The following ZNF438 variants were observed in gnomAD, a reference collection of about 807,000 sequenced individuals.
The protein encoded by ZNF438 is zinc finger protein 438.
In ZNF438, 25 loss-of-function variants were observed where a neutral mutation model predicts 38.0. The ratio of observed to expected loss-of-function variants is 0.66; its 90% CI spans 0.48 to 0.92. The LOEUF (loss-of-function observed/expected upper bound fraction) is 0.92. Among genes scored for constraint, ZNF438 ranks in the 40% least tolerant of loss-of-function variants. The pLI is 0.00. For missense variants in ZNF438, 1,007 were observed against 999.6 expected, an observed-to-expected ratio of 1.01 and a Z score of -0.10; for synonymous variants, 372 against 364.1, an observed-to-expected ratio of 1.02 and a Z score of -0.25.
At chr10:30,934,318 C>T (rs2046005473) in intron 2 of ZNF438, among the ~76,000 whole-genome samples, 1 of 152,148 alleles carries the variant, frequency 6.6e-6, no homozygotes, top group Admixed American at 6.5e-5. Flanking sequence ...TAATACTGCT[C>T]CTCTACTCGT....
chr10:30,872,839 A>T (rs1448261980), intron 4 of ZNF438, among the ~76,000 whole-genome samples: 1 of 152,102 alleles, frequency 6.6e-6, no homozygotes, highest in East Asian at 1.9e-4. Flanking sequence ...GAACAATGAG[A>T]CTTGCATTAA....
At chr10:30,996,030 G>C (rs1048969651) in intron 1 of ZNF438, among the ~76,000 whole-genome samples, 6 of 152,124 alleles carry the variant, frequency 3.9e-5, no homozygotes, top group African/African-American at 1.4e-4. Context: ...GTATAAATCA[G>C]AAGTGAAATT....
chr10:30,859,084 T>A (rs1465948759), intron 4 of ZNF438, among the ~76,000 whole-genome samples: 1 of 152,010 alleles, frequency 6.6e-6, no homozygotes, highest in African/African-American at 2.4e-5. Context: ...ACCACTGTTG[T>A]ATCTGTTTGT....
chr10:30,942,437 G>C (rs1177544847), intron 1 of ZNF438, among the ~76,000 whole-genome samples: 5 of 152,210 alleles, frequency 3.3e-5, no homozygotes, highest in Admixed American at 1.3e-4. Flanking sequence ...GTCAAGATGA[G>C]AAGAAATCAG....
rs765158519 is a variant in ZNF438, at chr10:30,958,191, C to T, written c.-191-16540G>A. Among the ~76,000 whole-genome samples the T allele has an allele frequency of 1.2e-4, 17 of 146,310 alleles. 4 individuals are homozygous for T. The highest frequency in any genetic ancestry group is 3.5e-4 in the Admixed American group (5 of 14,440). ...CAACAGGGCTGTATTTATCAATGTGCCTTTGATGTTAGGCTACCAGACTGT... is the reference window on the plus strand; with the variant it reads ...CAACAGGGCTGTATTTATCAATGTGTCTTTGATGTTAGGCTACCAGACTGT... On this transcript the variant is annotated intron_variant, in intron 1 of 5. Transcript: ENST00000413025.
intron 4 of ZNF438, chr10:30,875,614 T>G: frequency 2.0e-6 from 2 of 977,070 alleles, no homozygotes; most frequent in East Asian, 2.3e-4. Context: ...CAGAGAACAC[T>G]CAAGAAAAAC....
intron 2 of ZNF438, among the ~76,000 whole-genome samples, chr10:30,914,244 A>C (rs905497553): frequency 1.3e-5 from 2 of 152,138 alleles, no homozygotes; most frequent in South Asian, 2.1e-4. Flanking sequence ...CCATTTAAAT[A>C]ACATTTTTAA....
In ZNF438 at chr10:30,886,835, T is replaced by C. The variant is rs1197530173; in HGVS notation, c.-31-9770A>G. ...TTTTTTTACTTTTAAAGTAACGTTA[T>C]TGAAGGATAATTTACATTCAACAAA... On this transcript the variant is annotated intron_variant, in intron 3 of 5. Transcript: ENST00000413025. Among the ~76,000 whole-genome samples, 6 of 152,214 alleles carry C rather than the reference T, an allele frequency of 3.9e-5. No individual in the cohort carries two copies. In the South Asian group the frequency reaches 8.3e-4, roughly 21 times the overall value.
rs60856458 is a variant in ZNF438 at position 30,928,071 on chromosome 10, G to A, written c.-115+13504C>T. On this transcript the variant is annotated intron_variant, in intron 2 of 5. Transcript: ENST00000413025. ...TAAAATGTAACCTTTTTTTCAGTGG[G>A]AAAAGACACTTACTTTCTATTTCAT... Among the ~76,000 whole-genome samples the A allele has an allele frequency of 5.9e-3, 898 of 152,086 alleles. 8 individuals carry two copies. The highest frequency in any genetic ancestry group is 0.021 in the African/African-American group (866 of 41,506).
rs58041161 is a variant in ZNF438, at chr10:30,941,059, C to CATTTTATTTTATTTTATTTT, written c.-115+496_-115+515dup. The stretch of plus-strand genomic sequence containing the variant: ...ATAACACCAAGAGTTTAAAACTGAA[C>CATTTTATTTTATTTTATTTT]ATTTTATTTTATTTTATTTTATTTT... On this transcript the variant is annotated intron_variant, in intron 2 of 5. Transcript: ENST00000413025. Among the ~76,000 whole-genome samples the CATTTTATTTTATTTTATTTT allele has an allele frequency of 7.4e-3, 1,119 of 150,340 alleles. 16 individuals carry two copies. The highest frequency in any genetic ancestry group is 0.021 in the Middle Eastern group (6 of 292).
At chr10:30,847,748 T>C (rs758482726) in intron 5 of ZNF438, among the ~76,000 whole-genome samples, 9 of 152,238 alleles carry the variant, frequency 5.9e-5, no homozygotes, top group Non-Finnish European at 1.0e-4. Context: ...GTGATGTGCC[T>C]GGTCCAGCCA....
chr10:30,851,851 A>G (rs1480500792), intron 4 of ZNF438, among the ~76,000 whole-genome samples: 1 of 152,164 alleles, frequency 6.6e-6, no homozygotes, highest in Admixed American at 6.5e-5. Flanking sequence ...CAATCTAGTG[A>G]AACAGACAAT....
At chr10:30,907,540 A>G (rs1243773259) in intron 3 of ZNF438, among the ~76,000 whole-genome samples, 2 of 152,084 alleles carry the variant, frequency 1.3e-5, no homozygotes, top group Non-Finnish European at 2.9e-5. Context: ...TAATTCAATC[A>G]CTTAACTTGT....
At chr10:30,890,196 T>C (rs893391365) in intron 3 of ZNF438, among the ~76,000 whole-genome samples, 2 of 152,140 alleles carry the variant, frequency 1.3e-5, no homozygotes, top group Non-Finnish European at 2.9e-5. Context: ...ATAAAATGCA[T>C]GCACATACAG....
At chr10:30,993,529 C>A (rs926286293) in intron 1 of ZNF438, among the ~76,000 whole-genome samples, 5 of 152,088 alleles carry the variant, frequency 3.3e-5, no homozygotes, top group African/African-American at 1.2e-4. Flanking sequence ...AGAAGTGGGG[C>A]TATGGTAGTT....
intron 3 of ZNF438, among the ~76,000 whole-genome samples, chr10:30,880,201 C>T (rs1271207486): frequency 1.3e-5 from 2 of 152,012 alleles, no homozygotes; most frequent in African/African-American, 4.8e-5. Context: ...GAGACCAAGG[C>T]GGGCAGATCA....
intron 3 of ZNF438, among the ~76,000 whole-genome samples, chr10:30,878,831 G>C (rs367752083): frequency 1.8e-4 from 27 of 152,248 alleles, no homozygotes; most frequent in Admixed American, 1.3e-3. Flanking sequence ...TTGCTCACGT[G>C]CTCCCTCCTG....
At chr10:30,907,434 T>C (rs957044164) in intron 3 of ZNF438, among the ~76,000 whole-genome samples, 2 of 152,210 alleles carry the variant, frequency 1.3e-5, no homozygotes, top group South Asian at 2.1e-4. Context: ...TTGTAAAGGA[T>C]TGGTATTAAT....
intron 1 of ZNF438, among the ~76,000 whole-genome samples, chr10:30,987,410 T>C (rs1285738785): frequency 6.6e-6 from 1 of 152,142 alleles, no homozygotes; most frequent in African/African-American, 2.4e-5. Context: ...GTTTTCTTTT[T>C]GTTATCTATC....
Sources: allele counts gnomAD v4.1 joint callset (sites outside exome capture counted in the v4.1 genomes callset), GRCh38; gene constraint gnomAD v4.1.1; transcripts MANE v1.5; gene names NCBI Gene and HGNC (gene_info 2026-07-23, HGNC 2026-07-21).